MYO3A: variants seen among roughly 807,000 people sequenced by gnomAD.
The protein encoded by MYO3A is myosin-IIIa.
A neutral mutation model predicts 192.7 loss-of-function variants in MYO3A; 180 were observed. The observed-to-expected ratio is 0.93, with a 90% CI of 0.83 to 1.06. MYO3A has a LOEUF of 1.06. Among genes scored for constraint, MYO3A ranks in the 50% least tolerant of loss-of-function variants. MYO3A has a pLI of 0.00. For synonymous variants in MYO3A, 628 were observed against 645.3 expected, an observed-to-expected ratio of 0.97 and a Z score of 0.41; for missense variants, 1,896 against 1,905.0, an observed-to-expected ratio of 1.00 and a Z score of 0.09.
chr10:26,162,919 G>A (rs1841551425), intron 26 of MYO3A, among the ~76,000 whole-genome samples: 1 of 152,232 alleles, frequency 6.6e-6, no homozygotes, highest in African/African-American at 2.4e-5. Flanking sequence ...GATACATTGA[G>A]GAGAGTTTTT....
rs187450654 is a variant in MYO3A at position 26,157,344 on chromosome 10, T to G, written c.2828T>G (p.Val943Gly). 1 of 1,614,122 alleles carries G rather than the reference T, an allele frequency of 6.2e-7. No homozygotes were observed. The highest frequency in any genetic ancestry group is 2.2e-5 in the East Asian group (1 of 44,870). The stretch of plus-strand genomic sequence containing the variant: ...ATGGATTTGTTGTCTAAAATGGTGG[T>G]GGGCCAACCTCATTTTGTCCGTTGC... ...SLMDLLSKMV[V>G]GQPHFVRCIK... is the part of the protein sequence containing the mutation. The change falls in exon 26 of 35, where the codon GTG (valine) becomes GGG (glycine). Residue 943 changes from valine to glycine, a missense_variant. By Grantham distance (109) the Val-to-Gly change is moderately radical. Transcript: ENST00000642920.
intron 6 of MYO3A, among the ~76,000 whole-genome samples, chr10:26,015,178 CTCTT>C (rs1841919944): frequency 6.6e-6 from 1 of 151,778 alleles, no homozygotes; most frequent in Non-Finnish European, 1.5e-5. Context: ...TAGATTATTG[CTCTT>C]TCTATTAGCC....
At chr10:26,029,075 C>A (rs1205517254) in intron 10 of MYO3A, among the ~76,000 whole-genome samples, 1 of 152,116 alleles carries the variant, frequency 6.6e-6, no homozygotes, top group East Asian at 1.9e-4. Context: ...TAATATAAGA[C>A]ATGCAGAAAT....
At chr10:25,998,950 T>C (rs1348028745) in intron 6 of MYO3A, among the ~76,000 whole-genome samples, 1 of 152,178 alleles carries the variant, frequency 6.6e-6, no homozygotes, top group African/African-American at 2.4e-5. Flanking sequence ...CAGGCTGGAG[T>C]GCAGTGGCAC....
intron 7 of MYO3A, 112 bp from the exon 8 acceptor site, chr10:26,021,391 T>A: frequency 7.8e-7 from 1 of 1,284,128 alleles, no homozygotes. Flanking sequence ...CGTCTTTACT[T>A]ATAGCTATCA....
At chr10:26,115,198 A>G (rs895555931) in intron 17 of MYO3A, among the ~76,000 whole-genome samples, 2 of 152,222 alleles carry the variant, frequency 1.3e-5, no homozygotes, top group African/African-American at 4.8e-5. Flanking sequence ...TGCCTGCTAG[A>G]AAAGTCACTC....
At chr10:26,086,833 C>T (rs151234821) in intron 14 of MYO3A, among the ~76,000 whole-genome samples, 10 of 152,240 alleles carry the variant, frequency 6.6e-5, no homozygotes, top group Non-Finnish European at 1.0e-4. Flanking sequence ...AATTTTCTCA[C>T]GGGTCTTTGC....
intron 2 of MYO3A, among the ~76,000 whole-genome samples, chr10:25,945,909 A>G (rs908562307): frequency 6.6e-6 from 1 of 152,174 alleles, no homozygotes; most frequent in Non-Finnish European, 1.5e-5. Context: ...CATGGGGATT[A>G]TACATAACAT....
chr10:26,033,161 C>T (rs1001412849), intron 10 of MYO3A, among the ~76,000 whole-genome samples: 1 of 152,168 alleles, frequency 6.6e-6, no homozygotes, highest in East Asian at 1.9e-4. Context: ...GCAACCCCCA[C>T]CTCCTGGGTT....
At chr10:25,984,195 C>T (rs761168563) in intron 4 of MYO3A, among the ~76,000 whole-genome samples, 5 of 152,122 alleles carry the variant, frequency 3.3e-5, no homozygotes, top group Admixed American at 6.6e-5. Context: ...ATAACAATAA[C>T]ACAATGAAAA....
chr10:26,068,168 A>G (rs565448599), intron 11 of MYO3A, among the ~76,000 whole-genome samples: 101 of 152,206 alleles, frequency 6.6e-4, no homozygotes, highest in African/African-American at 1.9e-3. Flanking sequence ...TCTGTTGTCT[A>G]TATTTTATTT....
chr10:26,101,812 C>G (rs1035919754), intron 17 of MYO3A, among the ~76,000 whole-genome samples: 3 of 152,202 alleles, frequency 2.0e-5, no homozygotes, highest in African/African-American at 7.2e-5. Context: ...CGACCTTTCT[C>G]TCTGGCTGCC....
chr10:26,049,535 A>G (rs1564494097), intron 10 of MYO3A, among the ~76,000 whole-genome samples: 1 of 152,286 alleles, frequency 6.6e-6, no homozygotes, highest in East Asian at 1.9e-4. Flanking sequence ...GGATCATTAT[A>G]GCAGTGGATC....
intron 14 of MYO3A, among the ~76,000 whole-genome samples, chr10:26,075,659 T>TATATATATGATATATATATGTCTCTCTC (rs1436867564): frequency 5.6e-5 from 6 of 107,896 alleles, no homozygotes; most frequent in African/African-American, 9.1e-5. Flanking sequence ...ATGTCTCTCA[T>TATATATATGATATATATATGTCTCTCTC]ATATATATGA....
In MYO3A at chr10:26,128,453, A is replaced by G. The variant is rs1411421379; in HGVS notation, c.2177A>G (p.Lys726Arg). ...ATATTTGGCTTTGAAAATTTCAAAA[A>G]AAATTCCTTCGAGCAGCTGTGCATT... ...LDIFGFENFKKNSFEQLCINI... is the reference protein window; with the variant it reads ...LDIFGFENFKRNSFEQLCINI... Residue 726 changes from lysine (K) to arginine (R), a missense_variant, in exon 20 of 35, where the codon AAA becomes AGA. Coordinates refer to ENST00000642920, the MANE Select transcript of MYO3A (RefSeq NM_017433.5). The G allele has an allele frequency of 1.2e-6, 2 of 1,612,826 alleles. No homozygotes were observed. The highest frequency in any genetic ancestry group is 1.7e-6 in the Non-Finnish European group (2 of 1,178,998).
At chr10:26,058,775 A>G (rs1474231638) in intron 10 of MYO3A, among the ~76,000 whole-genome samples, 1 of 152,214 alleles carries the variant, frequency 6.6e-6, no homozygotes. Context: ...ATTGCATTGA[A>G]TCTGTAAAGC....
intron 20 of MYO3A, among the ~76,000 whole-genome samples, chr10:26,138,066 T>C (rs1254852484): frequency 1.3e-5 from 2 of 152,228 alleles, no homozygotes; most frequent in African/African-American, 4.8e-5. Flanking sequence ...CAGAAGCATG[T>C]GATCTTCATT....
intron 17 of MYO3A, among the ~76,000 whole-genome samples, chr10:26,118,884 G>A (rs1216852832): frequency 6.6e-6 from 1 of 151,884 alleles, no homozygotes; most frequent in African/African-American, 2.4e-5. Flanking sequence ...TGCCCGCCTC[G>A]GCCTCCCAAA....
intron 21 of MYO3A, 118 bp from the exon 22 acceptor site, chr10:26,145,328 A>C (rs1840397179): frequency 1.4e-6 from 1 of 702,532 alleles, no homozygotes; most frequent in African/African-American, 1.8e-5. Context: ...TGCATATATT[A>C]GCTATGTAAA....
Sources: gnomAD v4.1 joint callset for allele counts (sites outside exome capture counted in the v4.1 genomes callset) on GRCh38, gnomAD v4.1.1 for gene constraint, MANE v1.5 for transcripts, NCBI Gene and HGNC (gene_info 2026-07-23, HGNC 2026-07-21) for gene names.